Variants in CCDC69 observed in about 807,000 individuals in gnomAD.
CCDC69 encodes coiled-coil domain containing 69, also known as coiled-coil domain-containing protein 69.
In CCDC69, 38 loss-of-function variants were observed where a neutral mutation model predicts 40.3. The ratio of observed to expected loss-of-function variants is 0.94; its 90% CI spans 0.73 to 1.24. The LOEUF (loss-of-function observed/expected upper bound fraction) is 1.24, where lower values mean the gene tolerates loss of function less well. Among genes scored for constraint, CCDC69 ranks in the 50% most tolerant of loss-of-function variants. The probability of loss-of-function intolerance (pLI) is 0.00; values close to 1 mark genes in which losing one functional copy is unlikely to be tolerated. For synonymous variants in CCDC69, 141 were observed against 138.9 expected (o/e 1.02, Z -0.11); for missense variants, 389 against 357.9 (o/e 1.09, Z -0.70).
chr5:151,206,320 G>A (rs560401120), intron 1 of CCDC69, among the ~76,000 whole-genome samples: 3 of 152,226 alleles, frequency 2.0e-5, no homozygotes, highest in African/African-American at 7.2e-5. Flanking sequence ...TCAGCTATGC[G>A]GAAGCTCTCC....
At chr5:151,194,200 T>C (rs934278604) in intron 4 of CCDC69, among the ~76,000 whole-genome samples, 2 of 152,230 alleles carry the variant, frequency 1.3e-5, no homozygotes, top group African/African-American at 4.8e-5. Flanking sequence ...CCCACTCCTG[T>C]GTATTCACCC....
chr5:151,196,547 T>C (rs1391783502), intron 4 of CCDC69, among the ~76,000 whole-genome samples: 1 of 152,112 alleles, frequency 6.6e-6, no homozygotes, highest in Non-Finnish European at 1.5e-5. Flanking sequence ...ATTTTCAAGG[T>C]CAATTTCAGT....
chr5:151,196,145 T>C (rs1752696354), intron 4 of CCDC69, among the ~76,000 whole-genome samples: 1 of 152,116 alleles, frequency 6.6e-6, no homozygotes, highest in African/African-American at 2.4e-5. Context: ...CACAACCATG[T>C]GTTTTGTTGT....
At chr5:151,211,450 G>A (rs556898326) in intron 1 of CCDC69, among the ~76,000 whole-genome samples, 29 of 151,612 alleles carry the variant, frequency 1.9e-4, no homozygotes, top group African/African-American at 7.0e-4. Flanking sequence ...CACCTGGAAA[G>A]CTTGCTTAAC....
In CCDC69 at chr5:151,224,049, G is replaced by C; in HGVS notation, c.-79C>G. 7.7e-7 allele frequency: 1 copy of C among 1,296,808 alleles called. No individual in the cohort carries two copies. Among genetic ancestry groups the C allele is most frequent in the Non-Finnish European group, 1.0e-6 (1 of 960,840 alleles). The allele number at this position is 1,296,808 out of a possible 1,614,324, so 80.3% of individuals were successfully genotyped here. On this transcript the variant is annotated 5_prime_UTR_variant, in exon 1 of 9. Transcript: ENST00000355417. ...GCCTGCGATCCGGGCCCCGCTGCCC[G>C]CTCCGCGCCCGCCGGCTGGGGCTGC...
chr5:151,215,299 T>C (rs979454), intron 1 of CCDC69, among the ~76,000 whole-genome samples: 34,242 of 152,196 alleles, frequency 0.22, 4,118 homozygotes, highest in Middle Eastern at 0.38. Flanking sequence ...GGTCCTAGCT[T>C]GCCATCTGCT....
At chr5:151,198,376 T>A (rs1752730959) in intron 4 of CCDC69, among the ~76,000 whole-genome samples, 1 of 151,602 alleles carries the variant, frequency 6.6e-6, no homozygotes, top group Non-Finnish European at 1.5e-5. Context: ...GATATCTATC[T>A]ATCTATCTAT....
At chr5:151,188,881 T>C (rs1752564871) in intron 4 of CCDC69, among the ~76,000 whole-genome samples, 2 of 152,180 alleles carry the variant, frequency 1.3e-5, no homozygotes, top group Non-Finnish European at 1.5e-5. Flanking sequence ...TGCAGTTATT[T>C]GCAGACTGAA....
At chr5:151,193,541 C>CAGGAG (rs1405522361) in intron 4 of CCDC69, among the ~76,000 whole-genome samples, 2 of 149,106 alleles carry the variant, frequency 1.3e-5, no homozygotes, top group East Asian at 3.9e-4. Flanking sequence ...AAAAAGAAGA[C>CAGGAG]AGGAGAGGAG....
In CCDC69 at chr5:151,183,477, G is replaced by A. The variant is rs1319760251; in HGVS notation, c.851C>T (p.Ala284Val). The A allele has an allele frequency of 6.2e-7, 1 of 1,606,548 alleles. No individual in the cohort carries two copies. Among genetic ancestry groups the A allele is most frequent in the African/African-American group, 1.3e-5 (1 of 75,036 alleles). ...AGAGACCTCAGTGGGAGTGACAGGG[G>A]CCAGAGGGAAGGCAGGCGAGGCATT... Reference protein sequence around the residue: ...GANASPAFPLAPVTPTEVSFL... With the variant: ...GANASPAFPLVPVTPTEVSFL... The change falls in exon 9 of 9, where the codon GCC becomes GTC. Residue 284 changes from alanine to valine, a missense_variant. Physicochemically the swap from Ala to Val is moderately conservative, Grantham distance 64 (BLOSUM62 0). Transcript: ENST00000355417.
At position 151,183,470 on chromosome 5, in the gene CCDC69, G is replaced by C; in HGVS notation, c.858C>G (p.Val286=). Residue 286 remains valine, a synonymous_variant, in exon 9 of 9, where the codon GTC becomes GTG. Coordinates refer to ENST00000355417, the MANE Select transcript of CCDC69 (RefSeq NM_015621.3). The part of the protein sequence containing the change: ...NASPAFPLAP[V]TPTEVSFLAT ...CGAGGAAAGAGACCTCAGTGGGAGT[G>C]ACAGGGGCCAGAGGGAAGGCAGGCG... is the stretch of plus-strand genomic sequence containing the variant. 1 of 1,605,808 alleles carries C rather than the reference G, an allele frequency of 6.2e-7. No individual in the cohort carries two copies. Among genetic ancestry groups the C allele is most frequent in the Non-Finnish European group, 8.5e-7 (1 of 1,177,182 alleles).
intron 4 of CCDC69, among the ~76,000 whole-genome samples, chr5:151,187,744 A>G (rs1752545709): frequency 6.6e-6 from 1 of 152,200 alleles, no homozygotes; most frequent in Admixed American, 6.5e-5. Context: ...CTAAGATCCA[A>G]AGATCTTGCA....
chr5:151,204,079 G>A (rs1350538318), intron 2 of CCDC69, among the ~76,000 whole-genome samples: 2 of 151,498 alleles, frequency 1.3e-5, no homozygotes, highest in Admixed American at 1.3e-4. Flanking sequence ...GCCCAGGTTG[G>A]AGTGCAGTGG....
chr5:151,216,695 C>T (rs1452469208), intron 1 of CCDC69, among the ~76,000 whole-genome samples: 1 of 152,126 alleles, frequency 6.6e-6, no homozygotes, highest in Admixed American at 6.5e-5. Context: ...GGATTACAGG[C>T]GTGAGCCACC....
At chr5:151,215,650 AGT>A (rs1295209250) in intron 1 of CCDC69, 1 of 407,830 alleles carries the variant, frequency 2.5e-6, no homozygotes, top group Non-Finnish European at 5.2e-6. Context: ...TTCAGCAGAC[AGT>A]GTAAGGGTGG....
chr5:151,204,072 C>T (rs1353183972), intron 2 of CCDC69, among the ~76,000 whole-genome samples: 2 of 151,556 alleles, frequency 1.3e-5, no homozygotes, highest in African/African-American at 4.9e-5. Context: ...CTCTGTTGCC[C>T]AGGTTGGAGT....
chr5:151,205,448 G>A lies in CCDC69; in HGVS notation c.76C>T (p.Pro26Ser), dbSNP rs748936883. Residue 26 changes from proline to serine, a missense_variant, in exon 2 of 9, where the codon CCA (proline) becomes TCA (serine). Physicochemically the swap from Pro to Ser is moderately conservative, Grantham distance 74. Coordinates refer to ENST00000355417, the MANE Select transcript of CCDC69 (RefSeq NM_015621.3). The part of the protein sequence containing the change: ...KKRQEPEPEQ[P>S]PRPEPHELGP... ...AATTCATGGGGCTCTGGTCTGGGTG[G>A]CTGTTCTGGTTCTGGTTCTTGGCGC... 1.9e-5 allele frequency: 31 copies of A among 1,614,090 alleles called. No individual in the cohort carries two copies. The highest frequency in any genetic ancestry group is 5.3e-5 in the African/African-American group (4 of 74,936).
Position 151,186,140 on chromosome 5 carries a change from G to C in CCDC69, c.394-16C>G, listed in dbSNP as rs1275271794. ...CTATGGTCTCCTGGAGCAGGGAGTG[G>C]GATGGAGACAATCAAAGCCTGCCTC... On this transcript the variant is annotated splice_polypyrimidine_tract_variant and intron_variant, in intron 5 of 8. Coordinates refer to ENST00000355417, the MANE Select transcript of CCDC69 (RefSeq NM_015621.3). 1 of 1,553,452 alleles carries C rather than the reference G, an allele frequency of 6.4e-7. No individual in the cohort carries two copies. The highest frequency in any genetic ancestry group is 8.9e-7 in the Non-Finnish European group (1 of 1,125,038).
intron 5 of CCDC69, among the ~76,000 whole-genome samples, chr5:151,186,718 C>T (rs1332141249): frequency 6.6e-6 from 1 of 152,154 alleles, no homozygotes; most frequent in Non-Finnish European, 1.5e-5. Context: ...TATCTCCAAA[C>T]TGTTTCACTG....
Sources: allele counts gnomAD v4.1 joint callset (sites outside exome capture counted in the v4.1 genomes callset), GRCh38; gene constraint gnomAD v4.1.1; transcripts MANE v1.5; gene names NCBI Gene and HGNC (gene_info 2026-07-23, HGNC 2026-07-21).